The following WRN variants were observed in gnomAD, a reference collection of about 807,000 sequenced individuals.
WRN encodes WRN RecQ like helicase.
WRN carries 149 observed loss-of-function variants against 180.7 expected under a neutral mutation model. That is an observed-to-expected ratio of 0.82 (90% confidence interval 0.72 to 0.94). The LOEUF (loss-of-function observed/expected upper bound fraction) is 0.94. Ranked by LOEUF, WRN falls within the 40% of genes least tolerant of loss-of-function variation. The pLI, the probability that WRN is intolerant of heterozygous loss-of-function variation, is 0.00. For synonymous variants in WRN, 548 were observed against 568.9 expected, an observed-to-expected ratio of 0.96 and a Z score of 0.52; for missense variants, 1,661 against 1,700.1, an observed-to-expected ratio of 0.98 and a Z score of 0.40.
At chr8:31,132,039 T>A (rs1299390116) in intron 23 of WRN, among the ~76,000 whole-genome samples, 2 of 151,820 alleles carry the variant, frequency 1.3e-5, no homozygotes, top group Non-Finnish European at 2.9e-5. Context: ...GTGGAGCTGT[T>A]CTAGCTATAA....
In WRN at chr8:31,173,086, G is replaced by A; in HGVS notation, c.4283G>A (p.Gly1428Glu). 2 of 1,613,914 alleles carry A rather than the reference G, an allele frequency of 1.2e-6. No individual in the cohort carries two copies. The highest frequency in any genetic ancestry group is 1.7e-6 in the Non-Finnish European group (2 of 1,179,886). The change falls in exon 35 of 35, where the codon GGA becomes GAA. Residue 1428 changes from glycine to glutamate, a missense_variant. Transcript: ENST00000298139. ...AAATTAATGGACAAAACGAAAAGGG[G>A]AGGTCTTTTTAGTTAAGCTGGCAAT... Reference protein sequence around the residue: ...SKKLMDKTKRGGLFS With the variant: ...SKKLMDKTKREGLFS
Position 31,167,235 on chromosome 8 carries a change from T to C in WRN, c.4191+5T>C, listed in dbSNP as rs1060500064. ...GAAGTAGGCATCAATACTGAGGTAT[T>C]AATTATATATAGAATTTTCATAAAG... On this transcript the variant is annotated splice_donor_5th_base_variant and intron_variant, in intron 34 of 34. Coordinates refer to ENST00000298139, the MANE Select transcript of WRN (RefSeq NM_000553.6). The C allele has an allele frequency of 8.1e-6, 13 of 1,605,808 alleles. No homozygotes were observed. The highest frequency in any genetic ancestry group is 3.3e-4 in the Middle Eastern group (2 of 6,034).
At chr8:31,045,341 T>C (rs912322506) in intron 1 of WRN, among the ~76,000 whole-genome samples, 1 of 152,112 alleles carries the variant, frequency 6.6e-6, no homozygotes, top group Non-Finnish European at 1.5e-5. Context: ...AGGTTTTCTC[T>C]ATATGGGATT....
chr8:31,056,777 A>G (rs1337290771), intron 1 of WRN, among the ~76,000 whole-genome samples: 1 of 152,236 alleles, frequency 6.6e-6, no homozygotes. Flanking sequence ...ATTTTCAAGC[A>G]TAAATTAATA....
intron 16 of WRN, among the ~76,000 whole-genome samples, chr8:31,095,613 T>C (rs1813933089): frequency 6.6e-6 from 1 of 152,220 alleles, no homozygotes; most frequent in African/African-American, 2.4e-5. Context: ...TTTTCACATA[T>C]TGTTCCAGCT....
intron 17 of WRN, among the ~76,000 whole-genome samples, 171 bp downstream of exon 17, chr8:31,097,021 T>G (rs1408074389): frequency 6.6e-6 from 1 of 152,236 alleles, no homozygotes; most frequent in African/African-American, 2.4e-5. Context: ...CCCATGATAC[T>G]CTATAATTCC....
At chr8:31,164,581 A>G (rs1286418897) in intron 33 of WRN, among the ~76,000 whole-genome samples, 1 of 152,134 alleles carries the variant, frequency 6.6e-6, no homozygotes, top group African/African-American at 2.4e-5. Flanking sequence ...GTACCTTTGT[A>G]TTCTTTTTGT....
intron 34 of WRN, among the ~76,000 whole-genome samples, chr8:31,168,517 T>TG (rs1307822710): frequency 1.7e-3 from 76 of 43,442 alleles, no homozygotes; most frequent in African/African-American, 2.6e-3. Context: ...GTGGGTATTT[T>TG]GGGGGGGGTT....
chr8:31,088,887 C>T lies in WRN; in HGVS notation c.1577-3C>T, dbSNP rs3087409. 1 of 1,607,650 alleles carries T rather than the reference C, an allele frequency of 6.2e-7. No homozygotes were observed. The highest frequency in any genetic ancestry group is 1.3e-5 in the African/African-American group (1 of 74,828). On this transcript the variant is annotated splice_region_variant and splice_polypyrimidine_tract_variant and intron_variant, in intron 12 of 34. Transcript: ENST00000298139. ...ATAAATGCACATTTTATTTTATTTC[C>T]AGACTTTTTGTGGCCAGCACCCAAT...
At chr8:31,153,425 T>A (rs2737336) in intron 31 of WRN, among the ~76,000 whole-genome samples, 3 of 152,136 alleles carry the variant, frequency 2.0e-5, no homozygotes, top group Non-Finnish European at 4.4e-5. Flanking sequence ...GGGATTTCTA[T>A]AAATTGCAAA....
Position 31,092,447 on chromosome 8 carries a change from G to GTA in WRN, c.1898+550_1898+551insAT, listed in dbSNP as rs546281437. Among the ~76,000 whole-genome samples, 95 of 150,586 alleles carry GTA rather than the reference G, an allele frequency of 6.3e-4. 2 individuals are homozygous for GTA. In the East Asian group the frequency reaches 0.018, roughly 28 times the overall value. On this transcript the variant is annotated intron_variant, in intron 16 of 34. Coordinates refer to ENST00000298139, the MANE Select transcript of WRN (RefSeq NM_000553.6). ...ACATACACACACCCATTTTGTGTGT[G>GTA]TGTGTGTGTGTGTATATGTACACAC...
chr8:31,082,133 T>C (rs1813341821), intron 9 of WRN, among the ~76,000 whole-genome samples: 2 of 152,228 alleles, frequency 1.3e-5, no homozygotes, highest in South Asian at 4.1e-4. Flanking sequence ...CACTATAGTT[T>C]TACTGTCATC....
chr8:31,132,089 T>G (rs1802200453), intron 23 of WRN, among the ~76,000 whole-genome samples: 1 of 152,038 alleles, frequency 6.6e-6, no homozygotes, highest in African/African-American at 2.4e-5. Flanking sequence ...ATTGACATTA[T>G]TCCTTTCTGT....
chr8:31,133,132 C>T (rs898719853), intron 24 of WRN, among the ~76,000 whole-genome samples: 2 of 152,024 alleles, frequency 1.3e-5, no homozygotes, highest in Non-Finnish European at 2.9e-5. Flanking sequence ...AAGATAGGAC[C>T]GTTGCAGTCC....
At chr8:31,135,071 T>C (rs1031024972) in intron 24 of WRN, among the ~76,000 whole-genome samples, 104 of 152,054 alleles carry the variant, frequency 6.8e-4, no homozygotes, top group African/African-American at 2.2e-3. Flanking sequence ...GGGCTTTTTG[T>C]AGTTTCAGAA....
In WRN at chr8:31,148,092, G is replaced by A. The variant is rs112388144; in HGVS notation, c.3572+616G>A. 5.9e-3 allele frequency among the ~76,000 whole-genome samples: 892 copies of A among 152,140 alleles called. 9 individuals carry two copies. Among genetic ancestry groups the A allele is most frequent in the African/African-American group, 0.021 (867 of 41,484 alleles). On this transcript the variant is annotated intron_variant, in intron 30 of 34. Coordinates refer to ENST00000298139, the MANE Select transcript of WRN (RefSeq NM_000553.6). ...TGTAGAGACAGGGTTTTGCCATATT[G>A]CCTAGGCTGGTCTTGAACTCCTAAG...
chr8:31,170,986 T>G (rs886105783), intron 34 of WRN: 2 of 152,206 alleles, frequency 1.3e-5, no homozygotes, highest in African/African-American at 4.8e-5. Flanking sequence ...GAAATCAGGA[T>G]GTGTTTTGCT....
At chr8:31,079,390 G>A (rs897064211) in intron 8 of WRN, among the ~76,000 whole-genome samples, 6 of 152,082 alleles carry the variant, frequency 3.9e-5, no homozygotes, top group Non-Finnish European at 7.4e-5. Flanking sequence ...AATATTAGAA[G>A]ACCTAAACAA....
intron 23 of WRN, among the ~76,000 whole-genome samples, chr8:31,130,266 CAGCTAAGCA>C (rs1394496957): frequency 1.3e-5 from 2 of 152,070 alleles, no homozygotes; most frequent in African/African-American, 4.8e-5. Flanking sequence ...GAAAATTAAT[CAGCTAAGCA>C]TCTCACTAAA....
Sources: allele counts gnomAD v4.1 joint callset (sites outside exome capture counted in the v4.1 genomes callset), GRCh38; gene constraint gnomAD v4.1.1; transcripts MANE v1.5; gene names NCBI Gene and HGNC (gene_info 2026-07-23, HGNC 2026-07-21).